The following PTPRT variants were observed in gnomAD, a reference collection of about 807,000 sequenced individuals.
The protein encoded by PTPRT is receptor-type tyrosine-protein phosphatase T.
Under a neutral mutation model 176.8 loss-of-function variants are expected in PTPRT, and 56 were observed. That is an observed-to-expected ratio of 0.32 (90% confidence interval 0.26 to 0.40). The LOEUF (loss-of-function observed/expected upper bound fraction) is 0.40, where lower values mean the gene tolerates loss of function less well. Ranked by LOEUF, PTPRT falls within the 10% of genes least tolerant of loss-of-function variation. The pLI is 1.00. For synonymous variants in PTPRT, 783 were observed against 739.0 expected, an observed-to-expected ratio of 1.06 and a Z score of -0.96; for missense variants, 1,540 against 1,908.2, an observed-to-expected ratio of 0.81 and a Z score of 3.60.
intron 1 of PTPRT, among the ~76,000 whole-genome samples, chr20:43,139,591 G>A (rs1265420449): frequency 1.3e-5 from 2 of 152,248 alleles, no homozygotes; most frequent in Non-Finnish European, 2.9e-5. Context: ...TCCCTCGACA[G>A]CAACAGAAGG....
At chr20:42,988,293 C>T (rs1358580533) in intron 1 of PTPRT, among the ~76,000 whole-genome samples, 1 of 152,174 alleles carries the variant, frequency 6.6e-6, no homozygotes, top group Non-Finnish European at 1.5e-5. Flanking sequence ...AGGAGTCAGG[C>T]GTGAAAATAT....
intron 6 of PTPRT, among the ~76,000 whole-genome samples, chr20:42,712,970 G>C (rs556057614): frequency 6.1e-4 from 93 of 152,208 alleles, no homozygotes; most frequent in Admixed American, 2.4e-3. Context: ...AGCTCTTTAT[G>C]TCTGAATGCA....
chr20:42,244,105 C>T (rs1441597636), intron 14 of PTPRT, among the ~76,000 whole-genome samples: 2 of 152,170 alleles, frequency 1.3e-5, no homozygotes, highest in Non-Finnish European at 2.9e-5. Flanking sequence ...TTTAGAATAG[C>T]CCCATAAAAC....
At chr20:42,599,691 ACTG>A (rs2073741410) in intron 7 of PTPRT, among the ~76,000 whole-genome samples, 1 of 152,136 alleles carries the variant, frequency 6.6e-6, no homozygotes, top group South Asian at 2.1e-4. Flanking sequence ...TTTACACAGA[ACTG>A]GCCGCACATT....
the PTPRT span, among the ~76,000 whole-genome samples, chr20:42,041,866 G>T: frequency 6.6e-6 from 1 of 152,116 alleles, no homozygotes; most frequent in African/African-American, 2.4e-5. Flanking sequence ...ACTGTTTAGG[G>T]TAGTGGCATA....
chr20:42,778,793 A>T (rs1045155792), intron 4 of PTPRT, among the ~76,000 whole-genome samples: 4 of 152,212 alleles, frequency 2.6e-5, no homozygotes, highest in African/African-American at 9.6e-5. Flanking sequence ...TAAACCCTGC[A>T]TAGCTGGGGG....
At chr20:42,358,868 A>C (rs1331794343) in intron 9 of PTPRT, among the ~76,000 whole-genome samples, 1 of 152,234 alleles carries the variant, frequency 6.6e-6, no homozygotes, top group Non-Finnish European at 1.5e-5. Context: ...TGCAGTGCAC[A>C]AACTAAGCAA....
At chr20:42,683,689 A>C (rs1424069408) in intron 6 of PTPRT, among the ~76,000 whole-genome samples, 1 of 152,216 alleles carries the variant, frequency 6.6e-6, no homozygotes, top group Non-Finnish European at 1.5e-5. Flanking sequence ...AATGCTGATT[A>C]AACTTTCTAC....
chr20:42,450,755 G>T (rs1052340209), intron 8 of PTPRT, among the ~76,000 whole-genome samples: 3 of 152,114 alleles, frequency 2.0e-5, no homozygotes, highest in Non-Finnish European at 2.9e-5. Flanking sequence ...ATATGATGAA[G>T]GGACAGCGAT....
chr20:42,443,092 G>A lies in PTPRT; in HGVS notation c.1560+5128C>T, dbSNP rs115425827. 5.2e-3 allele frequency among the ~76,000 whole-genome samples: 790 copies of A among 152,262 alleles called. 3 individuals are homozygous for A. The highest frequency in any genetic ancestry group is 0.018 in the African/African-American group (740 of 41,550). On this transcript the variant is annotated intron_variant, in intron 9 of 30. Transcript: ENST00000373187. Reference sequence around the variant, plus strand: ...TTCCTGATGTAAATATTGTTTAGACGTCAGGTGAGCAGGAATATTCCTTAC... The same window carrying A: ...TTCCTGATGTAAATATTGTTTAGACATCAGGTGAGCAGGAATATTCCTTAC...
At chr20:42,906,062 A>T (rs1242145552) in intron 1 of PTPRT, among the ~76,000 whole-genome samples, 2 of 152,032 alleles carry the variant, frequency 1.3e-5, no homozygotes, top group African/African-American at 4.8e-5. Flanking sequence ...ATATATATAT[A>T]AAAAAAAGAA....
intron 9 of PTPRT, among the ~76,000 whole-genome samples, chr20:42,435,141 A>AGTGT (rs34354625): frequency 2.0e-5 from 3 of 151,550 alleles, no homozygotes; most frequent in East Asian, 1.9e-4. Flanking sequence ...TATATATAGG[A>AGTGT]GTGTGTGTGT....
At position 43,035,731 on chromosome 20, in the gene PTPRT, C is replaced by A. The variant is rs192990356; in HGVS notation, c.89-149799G>T. 7.2e-5 allele frequency among the ~76,000 whole-genome samples: 11 copies of A among 152,282 alleles called. No individual in the cohort carries two copies. The East Asian group carries it at 1.5e-3, about 21-fold the overall frequency. On this transcript the variant is annotated intron_variant, in intron 1 of 30. Transcript: ENST00000373187. The stretch of plus-strand genomic sequence containing the variant: ...TAAAAGATTAAGTGCAAAGAAGTTC[C>A]CAACAGTTTAAGAAAACAGAATTTG...
At chr20:42,475,155 T>C (rs1007171748) in intron 7 of PTPRT, among the ~76,000 whole-genome samples, 2 of 152,266 alleles carry the variant, frequency 1.3e-5, no homozygotes, top group South Asian at 4.2e-4. Flanking sequence ...CTGGGCTCTA[T>C]CTTCTGAACC....
intron 1 of PTPRT, among the ~76,000 whole-genome samples, chr20:43,033,279 T>C (rs140078456): frequency 2.6e-4 from 40 of 152,248 alleles, no homozygotes; most frequent in African/African-American, 8.7e-4. Flanking sequence ...CTCCTGATGG[T>C]CTCAAGGTGT....
At chr20:42,450,284 T>A (rs2070804997) in intron 8 of PTPRT, among the ~76,000 whole-genome samples, 1 of 152,258 alleles carries the variant, frequency 6.6e-6, no homozygotes, top group Non-Finnish European at 1.5e-5. Flanking sequence ...TGAACTATTT[T>A]ATTTTTAAGG....
At chr20:42,884,527 G>C (rs6103084) in intron 2 of PTPRT, among the ~76,000 whole-genome samples, 1 of 152,124 alleles carries the variant, frequency 6.6e-6, no homozygotes, top group Non-Finnish European at 1.5e-5. Flanking sequence ...GGGTTGTGTA[G>C]GTGTAAAATT....
intron 1 of PTPRT, among the ~76,000 whole-genome samples, chr20:42,995,307 A>G (rs1180256696): frequency 1.3e-5 from 2 of 152,182 alleles, no homozygotes; most frequent in Non-Finnish European, 2.9e-5. Context: ...AATAGTTAAA[A>G]GTAGAAATAA....
chr20:42,377,542 T>C (rs944308133), intron 9 of PTPRT, among the ~76,000 whole-genome samples: 1 of 152,244 alleles, frequency 6.6e-6, no homozygotes, highest in South Asian at 2.1e-4. Flanking sequence ...GAGATTCTGA[T>C]GCTGTTGTTA....
Sources: gnomAD v4.1 joint callset for allele counts (sites outside exome capture counted in the v4.1 genomes callset) on GRCh38, gnomAD v4.1.1 for gene constraint, MANE v1.5 for transcripts, NCBI Gene and HGNC (gene_info 2026-07-23, HGNC 2026-07-21) for gene names.